Variants in SUGCT observed in about 807,000 individuals in gnomAD.
SUGCT encodes the protein succinyl-CoA:glutarate-CoA transferase.
Under a neutral mutation model 55.0 loss-of-function variants are expected in SUGCT, and 41 were observed. The ratio of observed to expected loss-of-function variants is 0.74; its 90% confidence interval spans 0.58 to 0.97. SUGCT has a LOEUF of 0.97. Among genes scored for constraint, SUGCT ranks in the 50% least tolerant of loss-of-function variants. The probability of loss-of-function intolerance (pLI) is 0.00; values close to 1 mark genes in which losing one functional copy is unlikely to be tolerated. For missense variants in SUGCT, 568 were observed against 547.8 expected, an observed-to-expected ratio of 1.04 and a Z score of -0.37; for synonymous variants, 187 against 200.4, an observed-to-expected ratio of 0.93 and a Z score of 0.56.
At chr7:40,915,741 G>T in the SUGCT span, among the ~76,000 whole-genome samples, 1 of 110,234 alleles carries the variant, frequency 9.1e-6, no homozygotes, top group Admixed American at 8.0e-5. Context: ...AGCTGTGTGT[G>T]CATTCATTAA....
the SUGCT span, among the ~76,000 whole-genome samples, chr7:40,994,119 T>A: frequency 6.6e-6 from 1 of 152,122 alleles, no homozygotes; most frequent in Non-Finnish European, 1.5e-5. Flanking sequence ...CTCTGTGCAT[T>A]ATGATGTCTC....
chr7:40,609,824 A>G (rs1259146459), intron 12 of SUGCT, among the ~76,000 whole-genome samples: 5 of 152,200 alleles, frequency 3.3e-5, no homozygotes, highest in Non-Finnish European at 7.3e-5. Context: ...CGACATTTCA[A>G]AACGCTAAGT....
chr7:40,991,790 C>T, the SUGCT span, among the ~76,000 whole-genome samples: 1 of 152,014 alleles, frequency 6.6e-6, no homozygotes, highest in Non-Finnish European at 1.5e-5. Flanking sequence ...CAACTTGGGC[C>T]AATAAATGAT....
chr7:40,772,217 A>T (rs1789141715), intron 13 of SUGCT, among the ~76,000 whole-genome samples: 1 of 152,054 alleles, frequency 6.6e-6, no homozygotes, highest in Non-Finnish European at 1.5e-5. Context: ...TTCTCATTGA[A>T]AGCTCAGTTT....
At chr7:40,245,419 ATATATTTTTTTTTTTTTTTTTTT>A (rs1789763318) in intron 7 of SUGCT, among the ~76,000 whole-genome samples, 2 of 24,954 alleles carry the variant, frequency 8.0e-5, no homozygotes, top group South Asian at 3.4e-3. Context: ...ATATATATAT[ATATATTTTTTTTTTTTTTTTTTT>A]TTTTTTTTTT....
chr7:40,418,591 A>G (rs1787134431), intron 9 of SUGCT, among the ~76,000 whole-genome samples: 1 of 152,192 alleles, frequency 6.6e-6, no homozygotes, highest in South Asian at 2.1e-4. Context: ...ATGAGCAGAC[A>G]TTGATCAGGT....
rs532167242 is a variant in SUGCT, at chr7:40,162,318, C to T, written c.101-18629C>T. On this transcript the variant is annotated intron_variant, in intron 1 of 13. Coordinates refer to ENST00000335693, the MANE Select transcript of SUGCT (RefSeq NM_001193313.2). The stretch of plus-strand genomic sequence containing the variant: ...CTGTAAACCAAGGTGAGAATAAGAT[C>T]TGGGATATGTTAGGAATCTGCTTTC... 4.6e-5 allele frequency among the ~76,000 whole-genome samples: 7 copies of T among 152,244 alleles called. No homozygotes were observed. The South Asian group carries it at 1.5e-3, about 32-fold the overall frequency.
chr7:40,156,239 G>A (rs751195034), intron 1 of SUGCT, among the ~76,000 whole-genome samples: 13 of 152,182 alleles, frequency 8.5e-5, no homozygotes, highest in Non-Finnish European at 1.6e-4. Flanking sequence ...CAAGGTAGGC[G>A]GATCACGAGG....
At chr7:40,246,753 T>A (rs1459142573) in intron 7 of SUGCT, among the ~76,000 whole-genome samples, 1 of 152,060 alleles carries the variant, frequency 6.6e-6, no homozygotes, top group Non-Finnish European at 1.5e-5. Flanking sequence ...CACGCCACCA[T>A]GCCTGGCTAT....
At chr7:40,279,788 TAAG>T (rs1288043983) in intron 8 of SUGCT, among the ~76,000 whole-genome samples, 1 of 152,112 alleles carries the variant, frequency 6.6e-6, no homozygotes, top group Non-Finnish European at 1.5e-5. Flanking sequence ...TTTATGTAAA[TAAG>T]GAGTGCTATT....
intron 12 of SUGCT, among the ~76,000 whole-genome samples, chr7:40,630,535 C>A (rs1799742390): frequency 6.6e-6 from 1 of 152,078 alleles, no homozygotes; most frequent in East Asian, 1.9e-4. Flanking sequence ...TTTGCCTGTG[C>A]ATAATGGAAT....
intron 12 of SUGCT, among the ~76,000 whole-genome samples, chr7:40,533,406 A>G (rs748292092): frequency 6.6e-6 from 1 of 152,098 alleles, no homozygotes; most frequent in Admixed American, 6.5e-5. Context: ...AAGTGTTAAT[A>G]TTTATATTTT....
intron 12 of SUGCT, among the ~76,000 whole-genome samples, chr7:40,706,304 C>T (rs1584308164): frequency 6.6e-6 from 1 of 152,046 alleles, no homozygotes; most frequent in African/African-American, 2.4e-5. Context: ...GCCAGGAGTT[C>T]GAGACCAGCC....
chr7:40,713,210 TGTA>T (rs1288153136), intron 12 of SUGCT, among the ~76,000 whole-genome samples: 1 of 152,044 alleles, frequency 6.6e-6, no homozygotes, highest in Non-Finnish European at 1.5e-5. Context: ...TGTAGTCTGG[TGTA>T]GACCTTCTCT....
the SUGCT span, among the ~76,000 whole-genome samples, chr7:40,953,123 C>A: frequency 2.0e-5 from 3 of 152,182 alleles, no homozygotes; most frequent in South Asian, 6.2e-4. Context: ...TCACATAGTT[C>A]TATATTTCTT....
chr7:40,171,333 C>G (rs1215617997), intron 1 of SUGCT, among the ~76,000 whole-genome samples: 1 of 152,146 alleles, frequency 6.6e-6, no homozygotes, highest in Non-Finnish European at 1.5e-5. Context: ...TTGAGCAGAC[C>G]AATTTTCCTA....
At chr7:40,556,529 A>G (rs965307561) in intron 12 of SUGCT, among the ~76,000 whole-genome samples, 1 of 152,168 alleles carries the variant, frequency 6.6e-6, no homozygotes, top group Non-Finnish European at 1.5e-5. Context: ...CTTCAGGAGA[A>G]CTAGCAGGTG....
chr7:40,457,109 C>T (rs570855893), intron 10 of SUGCT, among the ~76,000 whole-genome samples: 6 of 150,850 alleles, frequency 4.0e-5, no homozygotes, highest in African/African-American at 9.8e-5. Context: ...TTTTGCAGAG[C>T]CCTCCCTCCT....
At chr7:40,548,186 CTTTTTTTTTT>C (rs1186226631) in intron 12 of SUGCT, among the ~76,000 whole-genome samples, 3 of 105,008 alleles carry the variant, frequency 2.9e-5, no homozygotes, top group Middle Eastern at 6.8e-3. Context: ...TTCTTTCTTT[CTTTTTTTTTT>C]TTTTTTTTTT....
Sources: allele counts gnomAD v4.1 joint callset (sites outside exome capture counted in the v4.1 genomes callset), GRCh38; gene constraint gnomAD v4.1.1; transcripts MANE v1.5; gene names NCBI Gene and HGNC (gene_info 2026-07-23, HGNC 2026-07-21).